The following MLLT3 variants were observed in gnomAD, a reference collection of about 807,000 sequenced individuals.
MLLT3 encodes the protein MLLT3 super elongation complex subunit.
MLLT3 carries 4 observed loss-of-function variants against 53.2 expected under a neutral mutation model. The observed-to-expected ratio is 0.08, with a 90% CI of 0.04 to 0.17. The LOEUF (loss-of-function observed/expected upper bound fraction) is 0.17. Ranked by LOEUF, MLLT3 falls within the 10% of genes least tolerant of loss-of-function variation. MLLT3 has a pLI of 1.00. For missense variants in MLLT3, 569 were observed against 684.0 expected (o/e 0.83, Z 1.87); for synonymous variants, 283 against 230.6 (o/e 1.23, Z -2.06).
intron 4 of MLLT3, among the ~76,000 whole-genome samples, chr9:20,418,725 T>C (rs541522741): frequency 9.1e-4 from 139 of 152,252 alleles, no homozygotes; most frequent in Non-Finnish European, 1.8e-3. Context: ...CAAGTGATCC[T>C]CCTGCCTTGG....
At chr9:20,471,543 C>T (rs1824395771) in intron 2 of MLLT3, among the ~76,000 whole-genome samples, 1 of 152,010 alleles carries the variant, frequency 6.6e-6, no homozygotes, top group Admixed American at 6.6e-5. Flanking sequence ...TAGTAATTAA[C>T]TTTAGGTAGG....
intron 2 of MLLT3, among the ~76,000 whole-genome samples, chr9:20,549,283 G>A (rs1412061525): frequency 6.6e-6 from 1 of 152,050 alleles, no homozygotes; most frequent in Non-Finnish European, 1.5e-5. Flanking sequence ...CCAAAACACT[G>A]GACACAAAGA....
intron 10 of MLLT3, among the ~76,000 whole-genome samples, chr9:20,349,994 T>C (rs1458374409): frequency 6.6e-6 from 1 of 152,232 alleles, no homozygotes; most frequent in East Asian, 1.9e-4. Context: ...TTTGAATTAT[T>C]AGAGCATGTG....
In MLLT3 at chr9:20,510,796, C is replaced by T. The variant is rs541827017; in HGVS notation, c.194-54010G>A. ...TATTATTTAAATTTTTTAAATTATA[C>T]ATCCTTTAGTCTAGGAATCCCACTT... On this transcript the variant is annotated intron_variant, in intron 2 of 10. Transcript: ENST00000380338. 1.7e-3 allele frequency among the ~76,000 whole-genome samples: 258 copies of T among 152,090 alleles called. 1 individual carries two copies. In the South Asian group the frequency reaches 0.021, roughly 12 times the overall value.
chr9:20,555,830 C>T (rs556465665), intron 2 of MLLT3, among the ~76,000 whole-genome samples: 2 of 152,194 alleles, frequency 1.3e-5, no homozygotes, highest in African/African-American at 4.8e-5. Flanking sequence ...TAAAAGGGAA[C>T]AAAATGCTTT....
intron 2 of MLLT3, among the ~76,000 whole-genome samples, chr9:20,563,597 G>A (rs1181153563): frequency 2.0e-5 from 3 of 152,024 alleles, no homozygotes; most frequent in African/African-American, 7.2e-5. Flanking sequence ...CTGCTTTTCT[G>A]CCTTCCTGGA....
intron 2 of MLLT3, among the ~76,000 whole-genome samples, chr9:20,575,318 T>A (rs1439219164): frequency 6.6e-6 from 1 of 152,196 alleles, no homozygotes; most frequent in Non-Finnish European, 1.5e-5. Flanking sequence ...GAGAAATTAC[T>A]ATCTATGGCA....
Position 20,621,977 on chromosome 9 carries a change from G to A in MLLT3, c.12+268C>T. On this transcript the variant is annotated intron_variant, in intron 1 of 10. Coordinates refer to ENST00000380338, the MANE Select transcript of MLLT3 (RefSeq NM_004529.4). The surrounding 1 kb of genome is among the most constrained non-coding windows in gnomAD (Gnocchi z 7.0). ...TGAGTGCGCTTCTTGTGACTGCAAA[G>A]AGGCGAGGAGGGAGGGAGGCGCGGG... The A allele has an allele frequency of 2.1e-6, 3 of 1,399,782 alleles. No individual in the cohort carries two copies. Among genetic ancestry groups the A allele is most frequent in the Non-Finnish European group, 2.8e-6 (3 of 1,083,540 alleles). The allele number at this position is 1,399,782 out of a possible 1,614,324, so 86.7% of individuals were successfully genotyped here.
chr9:20,500,270 T>C (rs1825187199), intron 2 of MLLT3, among the ~76,000 whole-genome samples: 1 of 152,150 alleles, frequency 6.6e-6, no homozygotes, highest in African/African-American at 2.4e-5. Context: ...GCCCTTGGTC[T>C]CTCCTCACAA....
At chr9:20,474,774 G>A (rs1824480261) in intron 2 of MLLT3, among the ~76,000 whole-genome samples, 1 of 152,054 alleles carries the variant, frequency 6.6e-6, no homozygotes, top group Non-Finnish European at 1.5e-5. Context: ...TTTGAAGACA[G>A]CATCCACAGA....
chr9:20,395,967 G>A (rs910542579), intron 5 of MLLT3, among the ~76,000 whole-genome samples: 20 of 152,248 alleles, frequency 1.3e-4, no homozygotes, highest in South Asian at 1.2e-3. Context: ...GTTCAGGACA[G>A]CATAGGCTTG....
chr9:20,458,294 G>A (rs1302704718), intron 2 of MLLT3, among the ~76,000 whole-genome samples: 1 of 152,110 alleles, frequency 6.6e-6, no homozygotes, highest in African/African-American at 2.4e-5. Context: ...CACTTCTCAA[G>A]GACAGGAAGC....
In MLLT3 at chr9:20,622,259, C is replaced by G; in HGVS notation, c.-3G>C. 1.3e-6 allele frequency: 2 copies of G among 1,598,322 alleles called. No individual in the cohort carries two copies. The highest frequency in any genetic ancestry group is 1.7e-6 in the Non-Finnish European group (2 of 1,171,644). On this transcript the variant is annotated 5_prime_UTR_variant, in exon 1 of 11. Coordinates refer to ENST00000380338, the MANE Select transcript of MLLT3 (RefSeq NM_004529.4). The stretch of plus-strand genomic sequence containing the variant: ...CGCGTACTTACCGAGCTAGCCATGC[C>G]TGGGGGCCCGGAGGTTTGCTGGGGT...
chr9:20,584,559 T>C (rs535990599), intron 2 of MLLT3, among the ~76,000 whole-genome samples: 53 of 152,198 alleles, frequency 3.5e-4, no homozygotes, highest in Non-Finnish European at 5.6e-4. Flanking sequence ...CTCAGTATCA[T>C]GGCAGGAGGT....
At chr9:20,547,740 C>T (rs992340797) in intron 2 of MLLT3, among the ~76,000 whole-genome samples, 2 of 151,902 alleles carry the variant, frequency 1.3e-5, no homozygotes, top group Non-Finnish European at 2.9e-5. Flanking sequence ...CACTTGGGCC[C>T]AGGAGTTCAA....
chr9:20,482,261 C>T (rs571252668), intron 2 of MLLT3, among the ~76,000 whole-genome samples: 5 of 152,214 alleles, frequency 3.3e-5, no homozygotes, highest in Non-Finnish European at 7.3e-5. Context: ...CAGTTTCAAT[C>T]GGCATGACAA....
intron 2 of MLLT3, among the ~76,000 whole-genome samples, chr9:20,519,566 C>A (rs752216252): frequency 8.6e-5 from 13 of 151,990 alleles, no homozygotes; most frequent in Non-Finnish European, 1.5e-4. Context: ...CAAAAGAATA[C>A]ATACATGTGG....
intron 2 of MLLT3, among the ~76,000 whole-genome samples, chr9:20,554,616 T>G (rs1819008614): frequency 6.6e-6 from 1 of 152,156 alleles, no homozygotes; most frequent in South Asian, 2.1e-4. Context: ...TTATATATAC[T>G]TTAAACTTTT....
At chr9:20,457,020 A>C (rs1260919007) in intron 2 of MLLT3, among the ~76,000 whole-genome samples, 2 of 152,076 alleles carry the variant, frequency 1.3e-5, no homozygotes, top group South Asian at 2.1e-4. Flanking sequence ...CTTGGTGGAG[A>C]ATAGCTCATC....
Sources: allele counts gnomAD v4.1 joint callset (sites outside exome capture counted in the v4.1 genomes callset), GRCh38; gene constraint gnomAD v4.1.1; non-coding constraint Gnocchi (gnomAD v3.1); transcripts MANE v1.5; gene names NCBI Gene and HGNC (gene_info 2026-07-23, HGNC 2026-07-21).